Variants in GAD1 observed in about 807,000 individuals in gnomAD.
GAD1 encodes 67 kDa glutamic acid decarboxylase.
GAD1 carries 35 observed loss-of-function variants against 75.2 expected under a neutral mutation model. The ratio of observed to expected loss-of-function variants is 0.47; its 90% CI spans 0.36 to 0.62. The LOEUF (loss-of-function observed/expected upper bound fraction) is 0.62, where lower values mean the gene tolerates loss of function less well. Among genes scored for constraint, GAD1 ranks in the 20% least tolerant of loss-of-function variants. The pLI is 0.00. For missense variants in GAD1, 490 were observed against 758.5 expected (o/e 0.65, Z 4.16); for synonymous variants, 257 against 271.9 (o/e 0.95, Z 0.54).
upstream of GAD1, among the ~76,000 whole-genome samples, chr2:170,815,195 G>C (rs1701673081): frequency 6.6e-6 from 1 of 152,184 alleles, no homozygotes. Context: ...GCTGCCGGTT[G>C]AGTGGTTTGG....
intron 5 of GAD1, among the ~76,000 whole-genome samples, chr2:170,833,261 T>C (rs1702288202): frequency 1.3e-5 from 2 of 152,228 alleles, no homozygotes; most frequent in Non-Finnish European, 2.9e-5. Flanking sequence ...CCAAAGATGC[T>C]TTTTAAAATG....
Position 170,846,010 on chromosome 2 carries a change from G to C in GAD1, c.949G>C (p.Gly317Arg). The change falls in exon 10 of 17, where the codon GGG becomes CGG. Residue 317 changes from glycine (G) to arginine (R), a missense_variant and splice_region_variant. Around this residue, in one of 3 missense-constraint regions of GAD1, gnomAD observed 324 missense variants for 523.9 expected, o/e 0.62. Transcript: ENST00000358196. ...TCCCTCCTTTTCCAATAATTATAGGGGGAAAATAATTCCAGCTGATTTTGA... is the reference window on the plus strand; with the variant it reads ...TCCCTCCTTTTCCAATAATTATAGGCGGAAAATAATTCCAGCTGATTTTGA... The part of the protein sequence containing the change: ...NVILIKCNER[G>R]KIIPADFEAK... The C allele has an allele frequency of 6.2e-7, 1 of 1,612,926 alleles. No homozygotes were observed.
rs966928332 is a variant in GAD1 at position 170,818,503 on chromosome 2, C to G, written c.-63-26C>G. On this transcript the variant is annotated intron_variant, in intron 1 of 16. Transcript: ENST00000358196. This position sits in a 1 kb window ranked among gnomAD's most constrained non-coding sequence, Gnocchi z 5.9. ...TGTGCAGGACCCCGGAAGTCCTCCC[C>G]GCACAGCTCTCGCTTCTCTTTGCAG... 1 of 1,262,464 alleles carries G rather than the reference C, an allele frequency of 7.9e-7. No homozygotes were observed. The highest frequency in any genetic ancestry group is 1.5e-5 in the African/African-American group (1 of 68,250). The allele number at this position is 1,262,464 out of a possible 1,614,324, so 78.2% of individuals were successfully genotyped here. A position where few individuals can be genotyped will look rare whatever the true frequency, so the allele number is the denominator to read the frequency against.
intron 12 of GAD1, among the ~76,000 whole-genome samples, chr2:170,851,874 A>T (rs1201086509): frequency 6.6e-6 from 1 of 152,196 alleles, no homozygotes; most frequent in Admixed American, 6.5e-5. Flanking sequence ...AAACTGGCAA[A>T]ATCACTCTAA....
At chr2:170,859,594 C>A (rs1351005843) in intron 16 of GAD1, 115 bp from the exon 17 acceptor site, 5 of 1,043,830 alleles carry the variant, frequency 4.8e-6, no homozygotes, top group Middle Eastern at 2.8e-4. Flanking sequence ...TGAAATATTT[C>A]TTTGCTTTTA....
At chr2:170,829,813 A>G (rs947621441) in intron 4 of GAD1, 180 bp downstream of exon 4, 4 of 665,504 alleles carry the variant, frequency 6.0e-6, no homozygotes, top group Non-Finnish European at 1.0e-5. Flanking sequence ...CCTGCTGGCC[A>G]GGTCTCCATC....
intron 2 of GAD1, among the ~76,000 whole-genome samples, chr2:170,821,330 G>T (rs914681591): frequency 1.3e-5 from 2 of 152,154 alleles, no homozygotes; most frequent in African/African-American, 4.8e-5. Context: ...GGAAAATCCA[G>T]CAGCACCTCC....
intron 5 of GAD1, among the ~76,000 whole-genome samples, chr2:170,835,447 AT>A (rs1479105923): frequency 6.6e-6 from 1 of 152,244 alleles, no homozygotes; most frequent in African/African-American, 2.4e-5. Flanking sequence ...AATATAGAGA[AT>A]TGAAATTCAA....
Position 170,845,472 on chromosome 2 carries a change from C to T in GAD1, c.752-34C>T, listed in dbSNP as rs753672528. 37 of 1,569,240 alleles carry T rather than the reference C, an allele frequency of 2.4e-5. 1 individual carries two copies. The South Asian group carries it at 4.0e-4, about 17-fold the overall frequency. On this transcript the variant is annotated intron_variant, in intron 7 of 16. Coordinates refer to ENST00000358196, the MANE Select transcript of GAD1 (RefSeq NM_000817.3). ...TTTTTAGAAACAATAATCAAAGAGC[C>T]CCAACACCTCCCAATATGTCCGCTT...
At chr2:170,819,062 G>A (rs1701795009) in intron 2 of GAD1, among the ~76,000 whole-genome samples, 1 of 152,142 alleles carries the variant, frequency 6.6e-6, no homozygotes, top group African/African-American at 2.4e-5. Flanking sequence ...TTCAGTCCCC[G>A]GCTTTCGTTG....
At chr2:170,820,890 G>A (rs962893889) in intron 2 of GAD1, among the ~76,000 whole-genome samples, 1 of 152,210 alleles carries the variant, frequency 6.6e-6, no homozygotes, top group Non-Finnish European at 1.5e-5. Flanking sequence ...AGAATTAGAT[G>A]AGATGATGTT....
chr2:170,854,397 CTT>C (rs71399565), intron 14 of GAD1, among the ~76,000 whole-genome samples: 16 of 112,774 alleles, frequency 1.4e-4, no homozygotes, highest in African/African-American at 2.4e-4. Flanking sequence ...ACCTTGAATT[CTT>C]TTTTTTTTTT....
rs946358004 is a variant in GAD1 at position 170,843,965 on chromosome 2, TAAACC to T, written c.639-77_639-73del. The T allele has an allele frequency of 3.3e-4, 263 of 803,978 alleles. 3 individuals carry two copies. Among genetic ancestry groups the T allele is most frequent in the South Asian group, 2.8e-3 (200 of 70,796 alleles). The allele number at this position is 803,978 out of a possible 1,614,324, so 49.8% of individuals were successfully genotyped here. Reference sequence around the variant, plus strand: ...TTTTTTAGAACCCAACTACAAATACTAAACCAATCCTCTGTGTTCCTAAAATAAGT... The same window carrying T: ...TTTTTTAGAACCCAACTACAAATACTAATCCTCTGTGTTCCTAAAATAAGT... On this transcript the variant is annotated intron_variant, in intron 6 of 16. Transcript: ENST00000358196.
intron 6 of GAD1, among the ~76,000 whole-genome samples, chr2:170,841,917 C>T (rs946911910): frequency 6.6e-6 from 1 of 152,190 alleles, no homozygotes; most frequent in Non-Finnish European, 1.5e-5. Context: ...ATGGTGTCTT[C>T]TAATATCTTA....
intron 7 of GAD1, 176 bp from the exon 8 acceptor site, chr2:170,845,330 C>T: frequency 1.5e-6 from 1 of 676,058 alleles, no homozygotes; most frequent in Non-Finnish European, 2.7e-6. Context: ...CTTGTATTCC[C>T]AGGGTAAAGG....
At chr2:170,856,197 C>G (rs982818943) in intron 14 of GAD1, among the ~76,000 whole-genome samples, 2 of 152,204 alleles carry the variant, frequency 1.3e-5, no homozygotes, top group African/African-American at 2.4e-5. Flanking sequence ...TGCATCTGCT[C>G]TCCTTGTTAA....
upstream of GAD1, chr2:170,815,970 CT>C (rs1701687920): frequency 6.6e-6 from 1 of 152,268 alleles, no homozygotes; most frequent in South Asian, 2.1e-4. Context: ...CGCAGCGGTT[CT>C]TTTAACTACG....
At chr2:170,816,499 G>A (rs1188820605), upstream of GAD1, 1 of 152,120 alleles carries the variant, frequency 6.6e-6, no homozygotes, top group Non-Finnish European at 1.5e-5. Context: ...CAATATATGG[G>A]AGGGGGAGGG....
Position 170,818,241 on chromosome 2 carries a change from AC to A in GAD1, c.-63-284del, listed in dbSNP as rs45464896. On this transcript the variant is annotated intron_variant, in intron 1 of 16. Transcript: ENST00000358196. The surrounding 1 kb of genome is among the most constrained non-coding windows in gnomAD (Gnocchi z 5.9). ...GCCTTGGACCCCCACCCCGACCCCG[AC>A]CCCGCCTCGTCTCGGCGCTTCACTC... is the stretch of plus-strand genomic sequence containing the variant. 1.3e-3 allele frequency: 321 copies of A among 243,238 alleles called. 2 individuals are homozygous for A. The highest frequency in any genetic ancestry group is 7.5e-3 in the African/African-American group (283 of 37,746). 15.1% of individuals were successfully genotyped at this position (243,238 alleles called of 1,614,324 possible). A position where few individuals can be genotyped will look rare whatever the true frequency, so the allele number is the denominator to read the frequency against.
Sources: allele counts gnomAD v4.1 joint callset (sites outside exome capture counted in the v4.1 genomes callset), GRCh38; gene constraint gnomAD v4.1.1; regional missense constraint gnomAD v4.1.1; non-coding constraint Gnocchi (gnomAD v3.1); transcripts MANE v1.5; gene names NCBI Gene and HGNC (gene_info 2026-07-23, HGNC 2026-07-21).